Variants in CCSER1 observed in about 807,000 individuals in gnomAD.
The protein encoded by CCSER1 is serine-rich coiled-coil domain-containing protein 1.
In CCSER1, 41 loss-of-function variants were observed where a neutral mutation model predicts 82.0. The observed-to-expected ratio is 0.50, with a 90% confidence interval of 0.39 to 0.65. The LOEUF (loss-of-function observed/expected upper bound fraction) is 0.65, where lower values mean the gene tolerates loss of function less well. Ranked by LOEUF, CCSER1 falls within the 30% of genes least tolerant of loss-of-function variation. CCSER1 has a pLI of 0.00. For synonymous variants in CCSER1, 414 were observed against 383.9 expected, an observed-to-expected ratio of 1.08 and a Z score of -0.92; for missense variants, 1,119 against 1,064.2, an observed-to-expected ratio of 1.05 and a Z score of -0.72.
chr4:91,431,899 G>T (rs1754348925), intron 10 of CCSER1, among the ~76,000 whole-genome samples: 1 of 151,498 alleles, frequency 6.6e-6, no homozygotes, highest in African/African-American at 2.4e-5. Flanking sequence ...TTGGTTCACT[G>T]CTGCATACTT....
chr4:91,050,345 C>T (rs1409641754), intron 9 of CCSER1, among the ~76,000 whole-genome samples: 2 of 151,288 alleles, frequency 1.3e-5, no homozygotes, highest in South Asian at 4.2e-4. Context: ...GCAGGAGACT[C>T]TCTTGAACCT....
chr4:90,879,492 GA>G (rs1398434460), intron 8 of CCSER1, among the ~76,000 whole-genome samples: 1 of 53,292 alleles, frequency 1.9e-5, no homozygotes, highest in Non-Finnish European at 3.7e-5. Flanking sequence ...AAAAGAGGAA[GA>G]AGAAGAAGAA....
chr4:90,502,816 A>G (rs1398452014), intron 5 of CCSER1, among the ~76,000 whole-genome samples: 1 of 152,194 alleles, frequency 6.6e-6, no homozygotes, highest in Non-Finnish European at 1.5e-5. Flanking sequence ...AAATCTCTTT[A>G]TACCAGACAG....
chr4:91,113,229 T>G (rs1279593791), intron 10 of CCSER1, among the ~76,000 whole-genome samples: 1 of 152,218 alleles, frequency 6.6e-6, no homozygotes, highest in Non-Finnish European at 1.5e-5. Flanking sequence ...TAAACATTTG[T>G]TGATACAACA....
intron 10 of CCSER1, among the ~76,000 whole-genome samples, chr4:91,528,564 A>C (rs1301000533): frequency 6.6e-6 from 1 of 152,216 alleles, no homozygotes; most frequent in African/African-American, 2.4e-5. Flanking sequence ...TGTTGATGAC[A>C]GATATGGCAT....
intron 5 of CCSER1, among the ~76,000 whole-genome samples, chr4:90,500,914 GAAAAT>G (rs1410641770): frequency 2.0e-5 from 3 of 151,598 alleles, no homozygotes; most frequent in African/African-American, 2.4e-5. Flanking sequence ...GGAAACAAAG[GAAAAT>G]AAAATAAAAT....
At chr4:90,632,024 G>A (rs1181750218) in intron 6 of CCSER1, among the ~76,000 whole-genome samples, 1 of 152,006 alleles carries the variant, frequency 6.6e-6, no homozygotes, top group Non-Finnish European at 1.5e-5. Context: ...TTTTAGAGAA[G>A]GGGTACTCGA....
intron 8 of CCSER1, among the ~76,000 whole-genome samples, chr4:90,845,851 A>C (rs2149899083): frequency 6.6e-6 from 1 of 150,968 alleles, no homozygotes; most frequent in South Asian, 2.1e-4. Context: ...AGTTAATTGT[A>C]AACTTGAAGT....
chr4:90,778,095 A>G (rs1171561443), intron 7 of CCSER1, among the ~76,000 whole-genome samples: 2 of 152,112 alleles, frequency 1.3e-5, no homozygotes, highest in African/African-American at 2.4e-5. Context: ...TTCCTAGACT[A>G]TTTTCCTGGA....
chr4:91,601,619 T>C lies in CCSER1; in HGVS notation c.*2562T>C, dbSNP rs1764819410. 1 of 152,040 alleles carries C rather than the reference T, an allele frequency of 6.6e-6. No homozygotes were observed. The highest frequency in any genetic ancestry group is 2.4e-5 in the African/African-American group (1 of 41,442). 9.4% of individuals were successfully genotyped at this position (152,040 alleles called of 1,614,324 possible). A position where few individuals can be genotyped will look rare whatever the true frequency, so the allele number is the denominator to read the frequency against. ...TCTAAGACAGTTCCATGTATAAAAA[T>C]GATTTATGCATTTCTCCAAGGCGGT... On this transcript the variant is annotated 3_prime_UTR_variant, in exon 11 of 11. Coordinates refer to ENST00000509176, the MANE Select transcript of CCSER1 (RefSeq NM_001145065.2).
At chr4:90,428,069 C>T (rs1757772948) in intron 4 of CCSER1, among the ~76,000 whole-genome samples, 1 of 151,768 alleles carries the variant, frequency 6.6e-6, no homozygotes, top group Non-Finnish European at 1.5e-5. Flanking sequence ...TAAGTTTTAT[C>T]TTTTCTTTTT....
chr4:91,084,965 A>T (rs1056845679), intron 9 of CCSER1, among the ~76,000 whole-genome samples: 1 of 152,106 alleles, frequency 6.6e-6, no homozygotes, highest in Non-Finnish European at 1.5e-5. Flanking sequence ...ACTATGAAAT[A>T]CTTAACTACA....
intron 5 of CCSER1, among the ~76,000 whole-genome samples, chr4:90,506,430 T>G (rs1345465542): frequency 6.6e-6 from 1 of 152,202 alleles, no homozygotes; most frequent in East Asian, 1.9e-4. Context: ...TCAACTCACA[T>G]TTTTTAATTC....
intron 9 of CCSER1, among the ~76,000 whole-genome samples, chr4:90,928,785 A>G (rs1303273583): frequency 2.9e-4 from 44 of 152,182 alleles, no homozygotes; most frequent in Non-Finnish European, 4.4e-5. Context: ...TTCAGTCAGT[A>G]AGAACTAAGC....
intron 10 of CCSER1, among the ~76,000 whole-genome samples, chr4:91,314,175 G>T (rs2149256868): frequency 6.6e-6 from 1 of 152,082 alleles, no homozygotes; most frequent in Non-Finnish European, 1.5e-5. Flanking sequence ...AAAACAAGTG[G>T]TAAATAAGTT....
intron 3 of CCSER1, among the ~76,000 whole-genome samples, chr4:90,388,939 T>C (rs1303171302): frequency 2.6e-5 from 4 of 152,200 alleles, no homozygotes; most frequent in Non-Finnish European, 5.9e-5. Context: ...CCTGGCCCTA[T>C]GATAAATATT....
At chr4:91,477,701 G>A (rs1757669769) in intron 10 of CCSER1, among the ~76,000 whole-genome samples, 1 of 151,656 alleles carries the variant, frequency 6.6e-6, no homozygotes. Context: ...AACTTCCAAA[G>A]TGTACTGAAA....
intron 10 of CCSER1, among the ~76,000 whole-genome samples, chr4:91,394,210 A>G (rs1009547815): frequency 2.1e-4 from 32 of 152,084 alleles, no homozygotes; most frequent in Admixed American, 2.1e-3. Context: ...GGGTTTTCAG[A>G]GGAAAAAACA....
At chr4:91,537,185 C>T (rs1761341644) in intron 10 of CCSER1, among the ~76,000 whole-genome samples, 1 of 151,866 alleles carries the variant, frequency 6.6e-6, no homozygotes, top group Admixed American at 6.6e-5. Context: ...TAAAATTATC[C>T]CCTACTAAAG....
Sources: gnomAD v4.1 joint callset for allele counts (sites outside exome capture counted in the v4.1 genomes callset) on GRCh38, gnomAD v4.1.1 for gene constraint, MANE v1.5 for transcripts, NCBI Gene and HGNC (gene_info 2026-07-23, HGNC 2026-07-21) for gene names.